EPHB1: variants seen among roughly 807,000 people sequenced by gnomAD.
EPHB1 encodes EPH receptor B1.
Under a neutral mutation model 94.4 loss-of-function variants are expected in EPHB1, and 30 were observed. The observed-to-expected ratio is 0.32, with a 90% CI of 0.24 to 0.43. The LOEUF is 0.43. Ranked by LOEUF, EPHB1 falls within the 20% of genes least tolerant of loss-of-function variation. The pLI is 1.00. For synonymous variants in EPHB1, 522 were observed against 489.1 expected (o/e 1.07, Z -0.89); for missense variants, 1,055 against 1,308.3 (o/e 0.81, Z 2.99).
At chr3:135,027,185 TC>T (rs1362538007) in intron 3 of EPHB1, among the ~76,000 whole-genome samples, 1 of 151,714 alleles carries the variant, frequency 6.6e-6, no homozygotes, top group Non-Finnish European at 1.5e-5. Context: ...CTTCCTCTTT[TC>T]CTAATTGAAT....
chr3:134,987,007 A>G (rs992481851), intron 3 of EPHB1, among the ~76,000 whole-genome samples: 1 of 152,202 alleles, frequency 6.6e-6, no homozygotes, highest in African/African-American at 2.4e-5. Flanking sequence ...TGAATTTATT[A>G]ATAGAATGAA....
At chr3:135,000,347 A>G (rs116294265) in intron 3 of EPHB1, among the ~76,000 whole-genome samples, 2,002 of 152,334 alleles carry the variant, frequency 0.013, 39 homozygotes, top group African/African-American at 0.046. Flanking sequence ...AGAAGGGTAC[A>G]TATAGCTCAA....
At chr3:135,239,704 G>C (rs996883741) in intron 12 of EPHB1, among the ~76,000 whole-genome samples, 5 of 152,228 alleles carry the variant, frequency 3.3e-5, no homozygotes, top group African/African-American at 1.2e-4. Flanking sequence ...CATGCCAGCT[G>C]TCTGCTCTAT....
intron 5 of EPHB1, among the ~76,000 whole-genome samples, chr3:135,148,943 G>T (rs144623320): frequency 6.6e-6 from 1 of 152,282 alleles, no homozygotes; most frequent in East Asian, 1.9e-4. Context: ...TTCTGATTCT[G>T]TTTGAACCCT....
intron 4 of EPHB1, among the ~76,000 whole-genome samples, chr3:135,112,268 G>A (rs1245508567): frequency 6.6e-6 from 1 of 152,214 alleles, no homozygotes; most frequent in Non-Finnish European, 1.5e-5. Context: ...TGAGGCTGCT[G>A]CTGCAGGGAG....
intron 3 of EPHB1, among the ~76,000 whole-genome samples, chr3:134,988,565 C>T (rs1934684505): frequency 6.6e-6 from 1 of 152,118 alleles, no homozygotes; most frequent in African/African-American, 2.4e-5. Flanking sequence ...AGGCTGAAAA[C>T]AGGATCATCA....
At chr3:135,053,054 T>TATATAA (rs1228359626) in intron 3 of EPHB1, among the ~76,000 whole-genome samples, 3 of 136,360 alleles carry the variant, frequency 2.2e-5, no homozygotes, top group African/African-American at 8.4e-5. Context: ...TATATATATA[T>TATATAA]AAAGTTGGTG....
intron 3 of EPHB1, among the ~76,000 whole-genome samples, chr3:135,088,903 T>A (rs1452377101): frequency 6.6e-6 from 1 of 152,236 alleles, no homozygotes; most frequent in Non-Finnish European, 1.5e-5. Context: ...ATTAATACTT[T>A]TAATTGAGCA....
intron 10 of EPHB1, among the ~76,000 whole-genome samples, chr3:135,187,048 A>G (rs1942347048): frequency 6.6e-6 from 1 of 152,172 alleles, no homozygotes; most frequent in Non-Finnish European, 1.5e-5. Context: ...GGTGATACTG[A>G]TGCTACTGGT....
chr3:135,044,342 T>G lies in EPHB1; in HGVS notation c.806-62106T>G, dbSNP rs1175354256. Among the ~76,000 whole-genome samples the G allele has an allele frequency of 2.0e-5, 3 of 152,320 alleles. No homozygotes were observed. In the East Asian group the frequency reaches 5.8e-4, roughly 29 times the overall value. The stretch of plus-strand genomic sequence containing the variant: ...CCATGCTTTCCTGGCAGGGAGTGGC[T>G]CTGCCTACATCTGCCCTGAGGGACC... On this transcript the variant is annotated intron_variant, in intron 3 of 15. Coordinates refer to ENST00000398015, the MANE Select transcript of EPHB1 (RefSeq NM_004441.5).
intron 3 of EPHB1, among the ~76,000 whole-genome samples, chr3:135,080,163 G>A (rs980329469): frequency 6.6e-6 from 1 of 152,214 alleles, no homozygotes; most frequent in African/African-American, 2.4e-5. Context: ...TTGGGAAAGG[G>A]AGAAAGGGGA....
At chr3:135,013,495 G>A (rs1214406400) in intron 3 of EPHB1, among the ~76,000 whole-genome samples, 1 of 152,246 alleles carries the variant, frequency 6.6e-6, no homozygotes, top group Non-Finnish European at 1.5e-5. Flanking sequence ...GGGAGAGTTA[G>A]CGGGTGATTT....
intron 10 of EPHB1, among the ~76,000 whole-genome samples, chr3:135,181,138 A>G (rs1942142413): frequency 6.6e-6 from 1 of 152,208 alleles, no homozygotes; most frequent in Admixed American, 6.5e-5. Context: ...TGAAATTGGA[A>G]GTCACATTTG....
chr3:135,023,304 A>G (rs180999952), intron 3 of EPHB1, among the ~76,000 whole-genome samples: 136 of 152,334 alleles, frequency 8.9e-4, no homozygotes, highest in African/African-American at 3.1e-3. Flanking sequence ...CCCATGGAGT[A>G]CAGCAGTTTT....
chr3:135,012,394 G>A (rs183540940), intron 3 of EPHB1, among the ~76,000 whole-genome samples: 4 of 152,298 alleles, frequency 2.6e-5, no homozygotes, highest in Admixed American at 6.5e-5. Flanking sequence ...TCAGTGAAGC[G>A]GCCGCTCACT....
chr3:135,137,146 A>G (rs1047970024), intron 5 of EPHB1, among the ~76,000 whole-genome samples: 2 of 152,220 alleles, frequency 1.3e-5, no homozygotes, highest in Non-Finnish European at 2.9e-5. Context: ...AGACCAGCAC[A>G]TGAGCTTGGG....
At chr3:134,863,274 C>T (rs996570826) in intron 1 of EPHB1, among the ~76,000 whole-genome samples, 3 of 152,210 alleles carry the variant, frequency 2.0e-5, no homozygotes, top group African/African-American at 7.2e-5. Context: ...TGTATATCTG[C>T]CGGCCTGGAC....
At chr3:134,863,132 G>A (rs763521510) in intron 1 of EPHB1, among the ~76,000 whole-genome samples, 7 of 152,176 alleles carry the variant, frequency 4.6e-5, no homozygotes, top group Non-Finnish European at 7.3e-5. Flanking sequence ...TGTGCACACT[G>A]CCTCTATTTT....
intron 1 of EPHB1, among the ~76,000 whole-genome samples, chr3:134,860,150 G>GAC (rs10642036): frequency 0.35 from 49,946 of 142,978 alleles, 9,847 homozygotes; most frequent in African/African-American, 0.55. Context: ...AGAAGGAAGG[G>GAC]ACACACACAC....
Sources: gnomAD v4.1 joint callset for allele counts (sites outside exome capture counted in the v4.1 genomes callset) on GRCh38, gnomAD v4.1.1 for gene constraint, MANE v1.5 for transcripts, NCBI Gene and HGNC (gene_info 2026-07-23, HGNC 2026-07-21) for gene names.